Variants in HYCC2 observed in about 807,000 individuals in gnomAD.
HYCC2 encodes hyccin 2.
the HYCC2 span, chr2:200,992,347 A>C: frequency 2.5e-6 from 4 of 1,610,960 alleles, no homozygotes; most frequent in Non-Finnish European, 3.4e-6. Flanking sequence ...CTTCCTGGCC[A>C]AGGTCCCACT....
At chr2:201,028,460 C>T in the HYCC2 span, among the ~76,000 whole-genome samples, 1 of 152,134 alleles carries the variant, frequency 6.6e-6, no homozygotes, top group Admixed American at 6.5e-5. Context: ...TGGAAAAAAA[C>T]TACTTTAAAG....
the HYCC2 span, among the ~76,000 whole-genome samples, chr2:201,026,658 A>G: frequency 6.6e-6 from 1 of 152,224 alleles, no homozygotes; most frequent in African/African-American, 2.4e-5. Context: ...GGATTAAGAA[A>G]CTCACTCAAA....
chr2:200,988,226 G>C, the HYCC2 span: 6 of 1,539,880 alleles, frequency 3.9e-6, no homozygotes, highest in African/African-American at 8.2e-5. Flanking sequence ...AAATTTACTT[G>C]ACTCCATGTG....
chr2:201,034,041 C>A, the HYCC2 span, among the ~76,000 whole-genome samples: 1 of 151,230 alleles, frequency 6.6e-6, no homozygotes, highest in African/African-American at 2.4e-5. Flanking sequence ...TTGATCTTTC[C>A]TATAACCACA....
At chr2:201,048,058 G>A in the HYCC2 span, among the ~76,000 whole-genome samples, 1 of 152,008 alleles carries the variant, frequency 6.6e-6, no homozygotes, top group Non-Finnish European at 1.5e-5. Context: ...ATATATCGGG[G>A]TAAACAGTAT....
chr2:201,036,661 T>C, the HYCC2 span, among the ~76,000 whole-genome samples: 16 of 152,168 alleles, frequency 1.1e-4, no homozygotes, highest in Non-Finnish European at 8.8e-5. Flanking sequence ...ATTATCTCAA[T>C]AGATGCAGAA....
At chr2:201,000,689 A>G in the HYCC2 span, among the ~76,000 whole-genome samples, 1 of 152,240 alleles carries the variant, frequency 6.6e-6, no homozygotes, top group East Asian at 1.9e-4. Context: ...TTGAATTACC[A>G]TATGACCTAG....
the HYCC2 span, among the ~76,000 whole-genome samples, chr2:201,055,492 A>T: frequency 3.3e-5 from 5 of 151,616 alleles, no homozygotes. Flanking sequence ...TGAGCCCAGG[A>T]GTTTGAGACC....
At chr2:201,012,119 C>T in the HYCC2 span, among the ~76,000 whole-genome samples, 23 of 151,996 alleles carry the variant, frequency 1.5e-4, no homozygotes, top group African/African-American at 5.6e-4. Flanking sequence ...ATAAAAGAAA[C>T]TCTTACAATC....
chr2:201,029,269 A>G, the HYCC2 span, among the ~76,000 whole-genome samples: 1 of 152,228 alleles, frequency 6.6e-6, no homozygotes, highest in African/African-American at 2.4e-5. Context: ...AACATCTTAC[A>G]CCAGTTAGAA....
chr2:201,069,536 A>G, the HYCC2 span, among the ~76,000 whole-genome samples: 2 of 124,692 alleles, frequency 1.6e-5, no homozygotes, highest in East Asian at 4.5e-4. Context: ...CTGGTTACAT[A>G]AGAAGAAACA....
the HYCC2 span, among the ~76,000 whole-genome samples, chr2:201,019,491 G>A: frequency 1.3e-5 from 2 of 152,002 alleles, no homozygotes; most frequent in Admixed American, 6.6e-5. Context: ...GGTAGCTCAC[G>A]CCTGTAATTC....
At chr2:201,054,354 A>C in the HYCC2 span, among the ~76,000 whole-genome samples, 2 of 152,260 alleles carry the variant, frequency 1.3e-5, no homozygotes, top group Admixed American at 6.5e-5. Flanking sequence ...ACTGTGAATA[A>C]AATGACTTGA....
At chr2:200,976,813 T>C in the HYCC2 span, 2 of 152,204 alleles carry the variant, frequency 1.3e-5, no homozygotes, top group Non-Finnish European at 2.9e-5. Flanking sequence ...TGCTTGCATT[T>C]GCTCTAAGCA....
At chr2:201,017,008 A>G in the HYCC2 span, 1 of 1,613,116 alleles carries the variant, frequency 6.2e-7, no homozygotes, top group Non-Finnish European at 8.5e-7. Flanking sequence ...TAAATTCCTA[A>G]CAGAAGTGCT....
the HYCC2 span, among the ~76,000 whole-genome samples, chr2:200,998,230 AC>A: frequency 6.6e-6 from 1 of 152,130 alleles, no homozygotes; most frequent in African/African-American, 2.4e-5. Context: ...ATTACCAACC[AC>A]ATATACCACA....
chr2:201,049,720 A>C, the HYCC2 span, among the ~76,000 whole-genome samples: 1 of 152,150 alleles, frequency 6.6e-6, no homozygotes, highest in Non-Finnish European at 1.5e-5. Context: ...CATACTTCAA[A>C]AAAGATGATG....
At chr2:201,035,885 T>A in the HYCC2 span, among the ~76,000 whole-genome samples, 7 of 152,142 alleles carry the variant, frequency 4.6e-5, no homozygotes, top group African/African-American at 1.4e-4. Flanking sequence ...CCTGTTTGCC[T>A]GGATATCAGC....
the HYCC2 span, among the ~76,000 whole-genome samples, chr2:201,055,229 C>T: frequency 6.6e-6 from 1 of 151,790 alleles, no homozygotes; most frequent in Non-Finnish European, 1.5e-5. Flanking sequence ...ACCATCTTAA[C>T]CATTTTTAAT....
Sources: gnomAD v4.1 joint callset for allele counts (sites outside exome capture counted in the v4.1 genomes callset) on GRCh38, gnomAD v4.1.1 for gene constraint, MANE v1.5 for transcripts, NCBI Gene and HGNC (gene_info 2026-07-23, HGNC 2026-07-21) for gene names.